Variants in COL7A1 observed in about 807,000 individuals in gnomAD.
COL7A1 encodes collagen alpha-1(VII) chain.
COL7A1 carries 296 observed loss-of-function variants against 456.2 expected under a neutral mutation model. That is an observed-to-expected ratio of 0.65 (90% CI 0.59 to 0.71). The LOEUF (loss-of-function observed/expected upper bound fraction) is 0.71, where lower values mean the gene tolerates loss of function less well. COL7A1 is among the 30% of genes least tolerant of loss of function. The probability of loss-of-function intolerance (pLI) is 0.00; values close to 1 mark genes in which losing one functional copy is unlikely to be tolerated. For synonymous variants in COL7A1, 1,464 were observed against 1,525.9 expected (o/e 0.96, Z 0.95); for missense variants, 3,441 against 4,017.2 (o/e 0.86, Z 3.88).
In COL7A1 at chr3:48,581,237, C is replaced by T; in HGVS notation, c.4899+23G>A. The stretch of plus-strand genomic sequence containing the variant: ...AGCCCTACTCCCTTACCCGCCATGA[C>T]TCCCCCGACTCCAGCCTCTTACATC... On this transcript the variant is annotated intron_variant, in intron 52 of 118. Transcript: ENST00000681320. The surrounding 1 kb of genome is among the most constrained non-coding windows in gnomAD (Gnocchi z 5.8). 4 of 1,612,806 alleles carry T rather than the reference C, an allele frequency of 2.5e-6. No homozygotes were observed. The highest frequency in any genetic ancestry group is 3.4e-6 in the Non-Finnish European group (4 of 1,179,528).
rs1553850873 is a variant in COL7A1 at position 48,569,340 on chromosome 3, A to T, written c.7686+35T>A. On this transcript the variant is annotated intron_variant, in intron 103 of 118. Coordinates refer to ENST00000681320, the MANE Select transcript of COL7A1 (RefSeq NM_000094.4). This position sits in a 1 kb window ranked among gnomAD's most constrained non-coding sequence, Gnocchi z 4.9. ...GCTGTGGAACCACCACAGCCACAGGACCCCACAGAGAGTACACCACCCTCT... is the reference window on the plus strand; with the variant it reads ...GCTGTGGAACCACCACAGCCACAGGTCCCCACAGAGAGTACACCACCCTCT... 14 of 1,610,678 alleles carry T rather than the reference A, an allele frequency of 8.7e-6. No individual in the cohort carries two copies. The South Asian group carries it at 1.4e-4, about 16-fold the overall frequency.
Position 48,590,878 on chromosome 3 carries a change from G to A in COL7A1, c.1637-62C>T, listed in dbSNP as rs2045646296. The A allele has an allele frequency of 6.4e-7, 1 of 1,574,682 alleles. No homozygotes were observed. The highest frequency in any genetic ancestry group is 8.7e-7 in the Non-Finnish European group (1 of 1,154,094). ...AAAGAGACAGGGATGTGGGACGATG[G>A]CAGTGATGGACAGGGACGCAGAGTG... is the stretch of plus-strand genomic sequence containing the variant. On this transcript the variant is annotated intron_variant, in intron 13 of 118. Transcript: ENST00000681320. This position sits in a 1 kb window ranked among gnomAD's most constrained non-coding sequence, Gnocchi z 4.6.
chr3:48,593,116 G>T lies in COL7A1; in HGVS notation c.668C>A (p.Pro223His). Residue 223 changes from proline to histidine, a missense_variant, in exon 6 of 119, where the codon CCT (proline) becomes CAT (histidine). Physicochemically the swap from Pro to His is moderately conservative, Grantham distance 77. This residue lies in a region of COL7A1 where 913 missense variants were observed against 1,088.2 expected (regional missense o/e 0.84). Transcript: ENST00000681320. The surrounding 1 kb of genome is among the most constrained non-coding windows in gnomAD (Gnocchi z 4.4). ...RRVCTTAGGV[P>H]VTRPPDDSTS... ...CAGGAACTCACGAGGTCGGGTCACA[G>T]GCACGCCACCAGCAGTCGTGCACAC... 5.0e-6 allele frequency: 8 copies of T among 1,614,086 alleles called. No homozygotes were observed. Among genetic ancestry groups the T allele is most frequent in the Non-Finnish European group, 6.8e-6 (8 of 1,180,004 alleles).
At position 48,590,773 on chromosome 3, in the gene COL7A1, G is replaced by A. The variant is rs780823886; in HGVS notation, c.1680C>T (p.Phe560=). The change falls in exon 14 of 119, where the codon TTC becomes TTT. Residue 560 remains phenylalanine (F), a synonymous_variant. Coordinates refer to ENST00000681320, the MANE Select transcript of COL7A1 (RefSeq NM_000094.4). The surrounding 1 kb of genome is among the most constrained non-coding windows in gnomAD (Gnocchi z 4.6). Reference sequence around the variant, plus strand: ...GCCCAGCCTGAACGTCATCCAAGTCGAATGCTGTCTGACTCCCAGGAAGCA... The same window carrying A: ...GCCCAGCCTGAACGTCATCCAAGTCAAATGCTGTCTGACTCCCAGGAAGCA... ...TLVLPGSQTA[F]DLDDVQAGLS... 10 of 1,613,806 alleles carry A rather than the reference G, an allele frequency of 6.2e-6. No homozygotes were observed. Among genetic ancestry groups the A allele is most frequent in the South Asian group, 1.1e-5 (1 of 91,086 alleles).
Position 48,576,232 on chromosome 3 carries a change from T to C in COL7A1, c.5820+17A>G, listed in dbSNP as rs1311742816. The C allele has an allele frequency of 6.2e-7, 1 of 1,613,272 alleles. No homozygotes were observed. Among genetic ancestry groups the C allele is most frequent in the Non-Finnish European group, 8.5e-7 (1 of 1,179,968 alleles). On this transcript the variant is annotated intron_variant, in intron 71 of 118. Coordinates refer to ENST00000681320, the MANE Select transcript of COL7A1 (RefSeq NM_000094.4). ...CATGCAAAACAGAGTCAAGGGGACA[T>C]CCCAAGCCTGGCTCACCGGCACACT...
At position 48,570,432 on chromosome 3, in the gene COL7A1, CAA is replaced by C. The variant is rs779883488; in HGVS notation, c.7380+31_7380+32del. On this transcript the variant is annotated intron_variant, in intron 97 of 118. Coordinates refer to ENST00000681320, the MANE Select transcript of COL7A1 (RefSeq NM_000094.4). This position sits in a 1 kb window ranked among gnomAD's most constrained non-coding sequence, Gnocchi z 5.5. ...GAGGCTGAAGGGGGTGACCAGGGCA[CAA>C]GAGAGAGTCAGCAGCACTTGTCCCA... is the stretch of plus-strand genomic sequence containing the variant. 9.3e-6 allele frequency: 15 copies of C among 1,613,998 alleles called. No individual in the cohort carries two copies. The South Asian group carries it at 9.9e-5, about 11-fold the overall frequency.
At position 48,566,656 on chromosome 3, in the gene COL7A1, T is replaced by C. The variant is rs1340779025; in HGVS notation, c.8304+4A>G. The C allele has an allele frequency of 2.5e-6, 4 of 1,613,982 alleles. No individual in the cohort carries two copies. The African/African-American group carries it at 4.0e-5, about 16-fold the overall frequency. ...CTGACCCAAGCCTTGGAATCCCTAC[T>C]CACCTGCTCCCCTCTCTCGCCAGGA... On this transcript the variant is annotated splice_donor_region_variant and intron_variant, in intron 112 of 118. Transcript: ENST00000681320. The surrounding 1 kb of genome is among the most constrained non-coding windows in gnomAD (Gnocchi z 5.9).
chr3:48,584,721 C>T lies in COL7A1; in HGVS notation c.4047+13G>A. On this transcript the variant is annotated intron_variant, in intron 35 of 118. Coordinates refer to ENST00000681320, the MANE Select transcript of COL7A1 (RefSeq NM_000094.4). ...TGGGACATCCCGGCCGCCTCCCTTC[C>T]CCCTTCACCTACCGGCTCCCCCTTT... is the stretch of plus-strand genomic sequence containing the variant. The T allele has an allele frequency of 6.2e-7, 1 of 1,614,024 alleles. No homozygotes were observed. The highest frequency in any genetic ancestry group is 8.5e-7 in the Non-Finnish European group (1 of 1,180,032).
chr3:48,585,216 C>G lies in COL7A1; in HGVS notation c.3895-100G>C. On this transcript the variant is annotated intron_variant, in intron 32 of 118. Transcript: ENST00000681320. The surrounding 1 kb of genome is among the most constrained non-coding windows in gnomAD (Gnocchi z 4.5). ...CATCAACAAGGGGTCGCCTACCCCACTGACCCCCAAGTGTTATTGGGGGTG... is the reference window on the plus strand; with the variant it reads ...CATCAACAAGGGGTCGCCTACCCCAGTGACCCCCAAGTGTTATTGGGGGTG... 8.5e-7 allele frequency: 1 copy of G among 1,180,910 alleles called. No homozygotes were observed. Among genetic ancestry groups the G allele is most frequent in the Non-Finnish European group, 1.2e-6 (1 of 817,760 alleles). The allele number at this position is 1,180,910 out of a possible 1,614,324, so 73.2% of individuals were successfully genotyped here.
Position 48,566,721 on chromosome 3 carries a change from G to T in COL7A1, c.8243C>A (p.Pro2748His). 1 of 1,613,740 alleles carries T rather than the reference G, an allele frequency of 6.2e-7. No homozygotes were observed. Among genetic ancestry groups the T allele is most frequent in the Admixed American group, 1.7e-5 (1 of 60,012 alleles). Residue 2748 changes from proline to histidine, a missense_variant, in exon 112 of 119, where the codon CCC becomes CAC. Around this residue, in one of 3 missense-constraint regions of COL7A1, gnomAD observed 2,084 missense variants for 2,501.3 expected, o/e 0.83. Coordinates refer to ENST00000681320, the MANE Select transcript of COL7A1 (RefSeq NM_000094.4). This position sits in a 1 kb window ranked among gnomAD's most constrained non-coding sequence, Gnocchi z 5.9. ...AGGAGCCCCCACCACTCTCTCTCCGGGGGGACCTCGCTCACCCTGTCAGAC... is the reference window on the plus strand; with the variant it reads ...AGGAGCCCCCACCACTCTCTCTCCGTGGGGACCTCGCTCACCCTGTCAGAC... ...LQGQKGERGPPGERVVGAPGV... is the reference protein window; with the variant it reads ...LQGQKGERGPHGERVVGAPGV...
rs767837679 is a variant in COL7A1, at chr3:48,591,731, T to C, written c.1449A>G (p.Thr483=). The C allele has an allele frequency of 6.2e-7, 1 of 1,613,852 alleles. No homozygotes were observed. The highest frequency in any genetic ancestry group is 8.5e-7 in the Non-Finnish European group (1 of 1,179,920). ...CGTGGCCCTCCAGCAGAGTGTAGAGTGTGAGGCGGTACTCAGTGCCCGGCT... is the reference window on the plus strand; with the variant it reads ...CGTGGCCCTCCAGCAGAGTGTAGAGCGTGAGGCGGTACTCAGTGCCCGGCT... ...GLQPGTEYRL[T]LYTLLEGHEV... is the part of the protein sequence containing the mutation. The change falls in exon 12 of 119, where the codon ACA becomes ACG. Residue 483 remains threonine, a synonymous_variant. Transcript: ENST00000681320. The surrounding 1 kb of genome is among the most constrained non-coding windows in gnomAD (Gnocchi z 7.0).
At position 48,594,274 on chromosome 3, in the gene COL7A1, G is replaced by A. The variant is rs564491862; in HGVS notation, c.266+94C>T. The A allele has an allele frequency of 4.1e-6, 6 of 1,472,538 alleles. No homozygotes were observed. The East Asian group carries it at 1.1e-4, about 28-fold the overall frequency. 91.2% of individuals were successfully genotyped at this position (1,472,538 alleles called of 1,614,324 possible). The stretch of plus-strand genomic sequence containing the variant: ...GTTCCCCAAAACTTGTTTCTGCAAA[G>A]ACCTGGCCTGGGGTTTCCAGGGTCT... On this transcript the variant is annotated intron_variant, in intron 3 of 118. Coordinates refer to ENST00000681320, the MANE Select transcript of COL7A1 (RefSeq NM_000094.4). This position sits in a 1 kb window ranked among gnomAD's most constrained non-coding sequence, Gnocchi z 5.5.
At position 48,578,299 on chromosome 3, in the gene COL7A1, C is replaced by T. The variant is rs1434549801; in HGVS notation, c.5532+22G>A. On this transcript the variant is annotated intron_variant, in intron 65 of 118. Transcript: ENST00000681320. This position sits in a 1 kb window ranked among gnomAD's most constrained non-coding sequence, Gnocchi z 4.7. ...TGGCGTTTCTTGGCAGGTTTCGCCGCAGCTGCCCTGGACACACTCACGTTT... is the reference window on the plus strand; with the variant it reads ...TGGCGTTTCTTGGCAGGTTTCGCCGTAGCTGCCCTGGACACACTCACGTTT... 2.5e-6 allele frequency: 4 copies of T among 1,612,234 alleles called. No homozygotes were observed. The highest frequency in any genetic ancestry group is 1.3e-5 in the African/African-American group (1 of 74,994).
Position 48,566,345 on chromosome 3 carries a change from A to G in COL7A1, c.8359-30T>C. 1.2e-6 allele frequency: 2 copies of G among 1,605,554 alleles called. No individual in the cohort carries two copies. The highest frequency in any genetic ancestry group is 1.7e-6 in the Non-Finnish European group (2 of 1,176,266). Reference sequence around the variant, plus strand: ...GAGCAGAAGACCACAGGGACCATAAAGAACCCATGGCCCACAGGAAGGACA... The same window carrying G: ...GAGCAGAAGACCACAGGGACCATAAGGAACCCATGGCCCACAGGAAGGACA... On this transcript the variant is annotated intron_variant, in intron 113 of 118. Transcript: ENST00000681320. The surrounding 1 kb of genome is among the most constrained non-coding windows in gnomAD (Gnocchi z 5.9).
rs2044148399 is a variant in COL7A1, at chr3:48,574,430, G to A, written c.6456+58C>T. The stretch of plus-strand genomic sequence containing the variant: ...GTACAGACCCCAGCCCTGCACACAG[G>A]ACAATACATGTGAGAGCCACCTTCT... On this transcript the variant is annotated intron_variant, in intron 79 of 118. Transcript: ENST00000681320. This position sits in a 1 kb window ranked among gnomAD's most constrained non-coding sequence, Gnocchi z 5.0. 2 of 1,613,430 alleles carry A rather than the reference G, an allele frequency of 1.2e-6. No homozygotes were observed. The highest frequency in any genetic ancestry group is 2.2e-5 in the East Asian group (1 of 44,884).
chr3:48,572,474 C>G lies in COL7A1; in HGVS notation c.6936+29G>C, dbSNP rs201243313. On this transcript the variant is annotated intron_variant, in intron 89 of 118. Coordinates refer to ENST00000681320, the MANE Select transcript of COL7A1 (RefSeq NM_000094.4). The surrounding 1 kb of genome is among the most constrained non-coding windows in gnomAD (Gnocchi z 4.6). ...TCCTTGGCCCCCACCAGTTGACCCCCCCTCACTGGCAGCCCCACACACACT... is the reference window on the plus strand; with the variant it reads ...TCCTTGGCCCCCACCAGTTGACCCCGCCTCACTGGCAGCCCCACACACACT... 8.7e-6 allele frequency: 14 copies of G among 1,613,900 alleles called. No homozygotes were observed. The highest frequency in any genetic ancestry group is 1.2e-5 in the Non-Finnish European group (14 of 1,179,906).
At position 48,593,169 on chromosome 3, in the gene COL7A1, C is replaced by T. The variant is rs774431651; in HGVS notation, c.615G>A (p.Arg205=). Residue 205 remains arginine (R), a synonymous_variant, in exon 6 of 119, where the codon AGG becomes AGA. Transcript: ENST00000681320. The surrounding 1 kb of genome is among the most constrained non-coding windows in gnomAD (Gnocchi z 4.4). The stretch of plus-strand genomic sequence containing the variant: ...TCCGGGAAACGAGGGGCAGTAGTGT[C>T]CTCAAGATGCTGAAGTCATTGACGA... ...FFFVNDFSIL[R]TLLPLVSRRV... is the part of the protein sequence containing the mutation. 1.2e-6 allele frequency: 2 copies of T among 1,614,106 alleles called. No individual in the cohort carries two copies. Among genetic ancestry groups the T allele is most frequent in the Admixed American group, 1.7e-5 (1 of 60,018 alleles).
intron 65 of COL7A1, among the ~76,000 whole-genome samples, chr3:48,577,542 T>C (rs1230061107): frequency 6.6e-6 from 1 of 152,212 alleles, no homozygotes; most frequent in Non-Finnish European, 1.5e-5. Flanking sequence ...TGGGTGACCA[T>C]ATAAAGTCAT....
rs1222506875 is a variant in COL7A1 at position 48,588,244 on chromosome 3, C to T, written c.2710+38G>A. 6.2e-7 allele frequency: 1 copy of T among 1,612,694 alleles called. No individual in the cohort carries two copies. Among genetic ancestry groups the T allele is most frequent in the Non-Finnish European group, 8.5e-7 (1 of 1,180,006 alleles). On this transcript the variant is annotated intron_variant, in intron 21 of 118. Coordinates refer to ENST00000681320, the MANE Select transcript of COL7A1 (RefSeq NM_000094.4). This position sits in a 1 kb window ranked among gnomAD's most constrained non-coding sequence, Gnocchi z 4.6. The stretch of plus-strand genomic sequence containing the variant: ...TGCGGAGTCTGCCACAGCCCTGCCC[C>T]CAATGGTCCCTAACTTCCTCCTGGG...
Sources: gnomAD v4.1 joint callset for allele counts (sites outside exome capture counted in the v4.1 genomes callset) on GRCh38, gnomAD v4.1.1 for gene constraint, gnomAD v4.1.1 regional missense constraint, Gnocchi (gnomAD v3.1) non-coding constraint, MANE v1.5 for transcripts, NCBI Gene and HGNC (gene_info 2026-07-23, HGNC 2026-07-21) for gene names.